Variants in KCNQ1OT1 observed in about 807,000 individuals in gnomAD.
KCNQ1OT1 encodes the protein KCNQ1 antisense RNA 2 (non-protein coding).
rs371339871 is a variant in KCNQ1OT1, at chr11:2,698,972, C to T, written n.1023G>A. 2.5e-6 allele frequency: 1 copy of T among 398,610 alleles called. No individual in the cohort carries two copies. Among genetic ancestry groups the T allele is most frequent in the South Asian group, 1.3e-4 (1 of 7,846 alleles). 24.7% of individuals were successfully genotyped at this position (398,610 alleles called of 1,614,324 possible). On this transcript the variant is annotated non_coding_transcript_exon_variant, in exon 1 of 1. Transcript: ENST00000597346. The surrounding 1 kb of genome is among the most constrained non-coding windows in gnomAD (Gnocchi z 5.1). Reference sequence around the variant, plus strand: ...TAGGATACCTAACTCAGAACCACAACGGGGATTCCCACCTCCGATCCTAAT... The same window carrying T: ...TAGGATACCTAACTCAGAACCACAATGGGGATTCCCACCTCCGATCCTAAT...
Position 2,698,773 on chromosome 11 carries a change from C to T in KCNQ1OT1, n.1222G>A. Reference sequence around the variant, plus strand: ...TCAGAGCCATGATGCAGACTCCAGACCGGGATTCAGGTCCCCAACTCAGAC... The same window carrying T: ...TCAGAGCCATGATGCAGACTCCAGATCGGGATTCAGGTCCCCAACTCAGAC... On this transcript the variant is annotated non_coding_transcript_exon_variant, in exon 1 of 1. Transcript: ENST00000597346. The surrounding 1 kb of genome is among the most constrained non-coding windows in gnomAD (Gnocchi z 5.1). The T allele has an allele frequency of 2.5e-6, 1 of 398,852 alleles. No homozygotes were observed. The highest frequency in any genetic ancestry group is 3.6e-5 in the East Asian group (1 of 28,060). The allele number at this position is 398,852 out of a possible 1,614,324, so 24.7% of individuals were successfully genotyped here.
chr11:2,616,482 T>C (rs1230130240), exon 1 of KCNQ1OT1: 11 of 397,806 alleles, frequency 2.8e-5, no homozygotes. Flanking sequence ...AGGTATAATA[T>C]TAGGTTATGG....
Position 2,611,494 on chromosome 11 carries a change from G to A in KCNQ1OT1, n.88501C>T. The A allele has an allele frequency of 2.5e-6, 1 of 398,242 alleles. No individual in the cohort carries two copies. The allele number at this position is 398,242 out of a possible 1,614,324, so 24.7% of individuals were successfully genotyped here. A position where few individuals can be genotyped will look rare whatever the true frequency, so the allele number is the denominator to read the frequency against. On this transcript the variant is annotated non_coding_transcript_exon_variant, in exon 1 of 1. Transcript: ENST00000597346. This position sits in a 1 kb window ranked among gnomAD's most constrained non-coding sequence, Gnocchi z 5.3. The stretch of plus-strand genomic sequence containing the variant: ...CCCAAAATGCTGGGATTACAGGTGT[G>A]AGCCACTGCACCCAGCCAATTTTGT...
Position 2,631,765 on chromosome 11 carries a change from G to A in KCNQ1OT1, n.68230C>T, listed in dbSNP as rs551718918. 282 of 398,648 alleles carry A rather than the reference G, an allele frequency of 7.1e-4. 1 individual carries two copies. Among genetic ancestry groups the A allele is most frequent in the African/African-American group, 5.4e-3 (263 of 48,756 alleles). The allele number at this position is 398,648 out of a possible 1,614,324, so 24.7% of individuals were successfully genotyped here. A position where few individuals can be genotyped will look rare whatever the true frequency, so the allele number is the denominator to read the frequency against. Reference sequence around the variant, plus strand: ...TACTCTTCTTGCAGCTCCATCAGCTGAGGTCAGCAGTGGCAAACATTACAA... The same window carrying A: ...TACTCTTCTTGCAGCTCCATCAGCTAAGGTCAGCAGTGGCAAACATTACAA... On this transcript the variant is annotated non_coding_transcript_exon_variant, in exon 1 of 1. Transcript: ENST00000597346.
rs1197298465 is a variant in KCNQ1OT1, at chr11:2,624,205, TC to T, written n.75789del. On this transcript the variant is annotated non_coding_transcript_exon_variant, in exon 1 of 1. Transcript: ENST00000597346. The surrounding 1 kb of genome is among the most constrained non-coding windows in gnomAD (Gnocchi z 4.9). ...CATCTTTTCATATACTTAGTTGCCA[TC>T]TGTATATCTTCATTGGTGAGATGTC... 2.5e-6 allele frequency: 1 copy of T among 398,522 alleles called. No individual in the cohort carries two copies. Among genetic ancestry groups the T allele is most frequent in the Non-Finnish European group, 4.4e-6 (1 of 226,068 alleles). 24.7% of individuals were successfully genotyped at this position (398,522 alleles called of 1,614,324 possible). A position where few individuals can be genotyped will look rare whatever the true frequency, so the allele number is the denominator to read the frequency against.
At chr11:2,618,393 G>C in exon 1 of KCNQ1OT1, 1 of 398,518 alleles carries the variant, frequency 2.5e-6, no homozygotes, top group Non-Finnish European at 4.4e-6. Flanking sequence ...GCTTACATGT[G>C]GTCTGTGGGC....
At chr11:2,631,933 A>G in exon 1 of KCNQ1OT1, 1 of 397,378 alleles carries the variant, frequency 2.5e-6, no homozygotes, top group Non-Finnish European at 4.4e-6. Flanking sequence ...CTGTAATCCC[A>G]GCACTTTGGG....
exon 1 of KCNQ1OT1, chr11:2,641,554 A>G (rs1849577183): frequency 2.5e-6 from 1 of 398,494 alleles, no homozygotes; most frequent in Admixed American, 4.4e-5. Context: ...TCAGATGAGT[A>G]GTTTGCAAAT....
rs1305308971 is a variant in KCNQ1OT1 at position 2,687,110 on chromosome 11, A to G, written n.12885T>C. 2.5e-6 allele frequency: 1 copy of G among 398,546 alleles called. No individual in the cohort carries two copies. The highest frequency in any genetic ancestry group is 4.4e-6 in the Non-Finnish European group (1 of 226,094). The allele number at this position is 398,546 out of a possible 1,614,324, so 24.7% of individuals were successfully genotyped here. On this transcript the variant is annotated non_coding_transcript_exon_variant, in exon 1 of 1. Transcript: ENST00000597346. The surrounding 1 kb of genome is among the most constrained non-coding windows in gnomAD (Gnocchi z 5.0). ...AGTTGGGTGTGACAAGTACACCTTGACACACAAACTGCACAGGGAGGGGAG... is the reference window on the plus strand; with the variant it reads ...AGTTGGGTGTGACAAGTACACCTTGGCACACAAACTGCACAGGGAGGGGAG...
exon 1 of KCNQ1OT1, chr11:2,646,924 T>C (rs995988059): frequency 2.5e-6 from 1 of 398,562 alleles, no homozygotes; most frequent in Non-Finnish European, 4.4e-6. Flanking sequence ...TATAAGATTA[T>C]GCCATCTGCA....
exon 1 of KCNQ1OT1, chr11:2,631,744 C>G (rs1462805259): frequency 5.0e-6 from 2 of 398,520 alleles, no homozygotes; most frequent in Admixed American, 8.8e-5. Context: ...ATGGAATACT[C>G]TTCTTGCAGC....
chr11:2,616,877 G>T (rs1173114190), exon 1 of KCNQ1OT1: 6 of 398,014 alleles, frequency 1.5e-5, no homozygotes, highest in Non-Finnish European at 2.7e-5. Context: ...GTCCATATAT[G>T]TTTGTAGGTC....
Position 2,678,874 on chromosome 11 carries a change from T to G in KCNQ1OT1, n.21121A>C. 1 of 398,608 alleles carries G rather than the reference T, an allele frequency of 2.5e-6. No homozygotes were observed. The highest frequency in any genetic ancestry group is 3.6e-5 in the East Asian group (1 of 28,082). The allele number at this position is 398,608 out of a possible 1,614,324, so 24.7% of individuals were successfully genotyped here. On this transcript the variant is annotated non_coding_transcript_exon_variant, in exon 1 of 1. Transcript: ENST00000597346. The surrounding 1 kb of genome is among the most constrained non-coding windows in gnomAD (Gnocchi z 4.9). ...TCGGGGGTGCACAGGAGTTGCCAGC[T>G]GGACCCAAGGACCATTTCGTATACA... is the stretch of plus-strand genomic sequence containing the variant.
At chr11:2,615,966 C>T (rs1244582246) in exon 1 of KCNQ1OT1, 7 of 397,934 alleles carry the variant, frequency 1.8e-5, no homozygotes, top group Non-Finnish European at 3.1e-5. Context: ...TGGTATAATT[C>T]AACAGTGACG....
Position 2,626,023 on chromosome 11 carries a change from C to G in KCNQ1OT1, n.73972G>C, listed in dbSNP as rs890710010. The G allele has an allele frequency of 7.5e-6, 3 of 398,476 alleles. No homozygotes were observed. The highest frequency in any genetic ancestry group is 6.2e-5 in the African/African-American group (3 of 48,626). The allele number at this position is 398,476 out of a possible 1,614,324, so 24.7% of individuals were successfully genotyped here. ...TTGCTTAGTTGATATTATTTTAATGCACACAATGTAAATTTTTAAAATTTA... is the reference window on the plus strand; with the variant it reads ...TTGCTTAGTTGATATTATTTTAATGGACACAATGTAAATTTTTAAAATTTA... On this transcript the variant is annotated non_coding_transcript_exon_variant, in exon 1 of 1. Coordinates refer to ENST00000597346, the Ensembl canonical transcript of KCNQ1OT1. The surrounding 1 kb of genome is among the most constrained non-coding windows in gnomAD (Gnocchi z 4.0).
In KCNQ1OT1 at chr11:2,626,308, T is replaced by C. The variant is rs1849261525; in HGVS notation, n.73687A>G. 2.5e-6 allele frequency: 1 copy of C among 398,522 alleles called. No individual in the cohort carries two copies. Among genetic ancestry groups the C allele is most frequent in the Non-Finnish European group, 4.4e-6 (1 of 226,058 alleles). 24.7% of individuals were successfully genotyped at this position (398,522 alleles called of 1,614,324 possible). ...CTCAACTTCATTCTCTTGAGTTAATTTTTGTGTATGGTATTAGGTAAGGGT... is the reference window on the plus strand; with the variant it reads ...CTCAACTTCATTCTCTTGAGTTAATCTTTGTGTATGGTATTAGGTAAGGGT... On this transcript the variant is annotated non_coding_transcript_exon_variant, in exon 1 of 1. Transcript: ENST00000597346. The surrounding 1 kb of genome is among the most constrained non-coding windows in gnomAD (Gnocchi z 4.0).
At chr11:2,681,747 C>T (rs1590028828) in exon 1 of KCNQ1OT1, 1 of 398,352 alleles carries the variant, frequency 2.5e-6, no homozygotes, top group Non-Finnish European at 4.4e-6. Context: ...GATCACACAC[C>T]AGGGCACTGT....
In KCNQ1OT1 at chr11:2,659,624, C is replaced by T. The variant is rs552075199; in HGVS notation, n.40371G>A. 29 of 398,426 alleles carry T rather than the reference C, an allele frequency of 7.3e-5. No homozygotes were observed. In the Admixed American group the frequency reaches 8.4e-4, roughly 11 times the overall value. The allele number at this position is 398,426 out of a possible 1,614,324, so 24.7% of individuals were successfully genotyped here. On this transcript the variant is annotated non_coding_transcript_exon_variant, in exon 1 of 1. Coordinates refer to ENST00000597346, the Ensembl canonical transcript of KCNQ1OT1. The surrounding 1 kb of genome is among the most constrained non-coding windows in gnomAD (Gnocchi z 4.3). ...CAATTCACTTGGGTGGGAAAGGAAC[C>T]GATAGGTCATGTGGTATGTGTATGT...
chr11:2,682,499 T>TGAGTGAGA lies in KCNQ1OT1; in HGVS notation n.17495_17496insTCTCACTC. The TGAGTGAGA allele has an allele frequency of 2.5e-6, 1 of 398,076 alleles. No homozygotes were observed. The highest frequency in any genetic ancestry group is 2.1e-5 in the African/African-American group (1 of 48,512). The allele number at this position is 398,076 out of a possible 1,614,324, so 24.7% of individuals were successfully genotyped here. On this transcript the variant is annotated non_coding_transcript_exon_variant, in exon 1 of 1. Transcript: ENST00000597346. This position sits in a 1 kb window ranked among gnomAD's most constrained non-coding sequence, Gnocchi z 5.8. ...ACGAGTGAGTGAGTGAGTGAGTGAG[T>TGAGTGAGA]GAGTGAGTACTTGTGCCCAGGTCAA...
Sources: gnomAD v4.1 joint callset for allele counts on GRCh38, gnomAD v4.1.1 for gene constraint, Gnocchi (gnomAD v3.1) non-coding constraint, MANE v1.5 for transcripts, NCBI Gene and HGNC (gene_info 2026-07-23, HGNC 2026-07-21) for gene names.